The following LMX1A variants were observed in gnomAD, a reference collection of about 807,000 sequenced individuals.
LMX1A encodes the protein LIM homeobox transcription factor 1 alpha.
A neutral mutation model predicts 49.1 loss-of-function variants in LMX1A; 15 were observed. The observed-to-expected ratio is 0.31, with a 90% confidence interval of 0.20 to 0.47. The LOEUF (loss-of-function observed/expected upper bound fraction) is 0.47. Ranked by LOEUF, LMX1A falls within the 20% of genes least tolerant of loss-of-function variation. The pLI is 1.00. For synonymous variants in LMX1A, 167 were observed against 185.7 expected, an observed-to-expected ratio of 0.90 and a Z score of 0.82; for missense variants, 372 against 475.8, an observed-to-expected ratio of 0.78 and a Z score of 2.03.
chr1:165,289,390 T>C (rs1339981808), intron 3 of LMX1A, among the ~76,000 whole-genome samples: 1 of 152,180 alleles, frequency 6.6e-6, no homozygotes, highest in Non-Finnish European at 1.5e-5. Context: ...TTGTCACCCA[T>C]GTCTAGCCCA....
intron 3 of LMX1A, among the ~76,000 whole-genome samples, chr1:165,337,986 C>T (rs1350547996): frequency 6.6e-6 from 1 of 151,762 alleles, no homozygotes; most frequent in African/African-American, 2.4e-5. Flanking sequence ...GATTGATTCA[C>T]CCCTTATGCA....
chr1:165,320,445 T>A (rs1443477255), intron 3 of LMX1A, among the ~76,000 whole-genome samples: 1 of 152,130 alleles, frequency 6.6e-6, no homozygotes, highest in Non-Finnish European at 1.5e-5. Flanking sequence ...AGTCAGGATG[T>A]GAGTCTTGAA....
intron 4 of LMX1A, chr1:165,219,227 A>T (rs2102609901): frequency 6.6e-6 from 1 of 152,160 alleles, no homozygotes; most frequent in South Asian, 2.1e-4. Context: ...GGCCTCGGAG[A>T]TTCATTTCAG....
chr1:165,319,543 CTAAG>C (rs1055844702), intron 3 of LMX1A, among the ~76,000 whole-genome samples: 4 of 151,972 alleles, frequency 2.6e-5, no homozygotes, highest in Non-Finnish European at 4.4e-5. Context: ...GGAAGGCCAC[CTAAG>C]TGTCAGCAAC....
intron 3 of LMX1A, among the ~76,000 whole-genome samples, chr1:165,266,759 G>A (rs952806333): frequency 2.6e-5 from 4 of 151,588 alleles, no homozygotes; most frequent in African/African-American, 7.3e-5. Context: ...CCGCCACCAC[G>A]CCCAGCTAAT....
chr1:165,312,900 G>A (rs1655115156), intron 3 of LMX1A, among the ~76,000 whole-genome samples: 1 of 152,140 alleles, frequency 6.6e-6, no homozygotes, highest in Non-Finnish European at 1.5e-5. Context: ...ATGAATGATA[G>A]GAATTTATAT....
At chr1:165,344,143 T>A (rs1656165827) in intron 3 of LMX1A, among the ~76,000 whole-genome samples, 2 of 152,224 alleles carry the variant, frequency 1.3e-5, no homozygotes, top group African/African-American at 4.8e-5. Context: ...AAATTCAAGG[T>A]GCACAGAGCT....
chr1:165,235,528 C>G (rs1032449517), intron 4 of LMX1A, among the ~76,000 whole-genome samples: 2 of 152,188 alleles, frequency 1.3e-5, no homozygotes, highest in African/African-American at 4.8e-5. Context: ...TTGGATTTAC[C>G]GTGGCATTAC....
Position 165,210,692 on chromosome 1 carries a change from A to G in LMX1A, c.747+7T>C. ...ATGGGGACAGATAAAAGTAAGAAGC[A>G]GGTTACCTTCGCTCTCTGGTTTTGG... On this transcript the variant is annotated splice_region_variant and intron_variant, in intron 6 of 8. Transcript: ENST00000342310. The G allele has an allele frequency of 6.2e-7, 1 of 1,606,394 alleles. No homozygotes were observed. The highest frequency in any genetic ancestry group is 8.5e-7 in the Non-Finnish European group (1 of 1,173,156).
chr1:165,270,153 C>T lies in LMX1A; in HGVS notation c.264-20513G>A, dbSNP rs574592448. 2.6e-5 allele frequency among the ~76,000 whole-genome samples: 4 copies of T among 152,230 alleles called. No homozygotes were observed. The East Asian group carries it at 7.7e-4, about 29-fold the overall frequency. On this transcript the variant is annotated intron_variant, in intron 3 of 8. Coordinates refer to ENST00000342310, the MANE Select transcript of LMX1A (RefSeq NM_177398.4). ...CTCCTGGAGAAAAAGTACTGAGATGCCTTAAAGTAAGGCAAAAGTGGGAAA... is the reference window on the plus strand; with the variant it reads ...CTCCTGGAGAAAAAGTACTGAGATGTCTTAAAGTAAGGCAAAAGTGGGAAA...
intron 4 of LMX1A, among the ~76,000 whole-genome samples, chr1:165,234,270 T>A (rs964699192): frequency 2.0e-5 from 3 of 152,102 alleles, no homozygotes; most frequent in African/African-American, 4.8e-5. Flanking sequence ...AACAACATAC[T>A]CATTTTCATT....
intron 3 of LMX1A, among the ~76,000 whole-genome samples, chr1:165,305,382 C>A (rs556619180): frequency 2.2e-4 from 33 of 152,258 alleles, no homozygotes; most frequent in African/African-American, 7.5e-4. Context: ...TGACATATAA[C>A]ACCATCTGGG....
At chr1:165,333,874 G>A (rs1205878697) in intron 3 of LMX1A, among the ~76,000 whole-genome samples, 2 of 152,056 alleles carry the variant, frequency 1.3e-5, no homozygotes, top group Non-Finnish European at 2.9e-5. Context: ...TCCCTTGTAG[G>A]GATTGCCTAT....
At chr1:165,320,753 A>C (rs1351553744) in intron 3 of LMX1A, among the ~76,000 whole-genome samples, 1 of 152,220 alleles carries the variant, frequency 6.6e-6, no homozygotes, top group Non-Finnish European at 1.5e-5. Context: ...CTGGGATGCT[A>C]GGAGTATTGC....
At chr1:165,206,430 TTGCTA>T (rs1384678853) in intron 7 of LMX1A, among the ~76,000 whole-genome samples, 1 of 152,198 alleles carries the variant, frequency 6.6e-6, no homozygotes, top group Non-Finnish European at 1.5e-5. Flanking sequence ...GAATTATATC[TTGCTA>T]TGCTTGTAGA....
chr1:165,321,405 T>C (rs1044646939), intron 3 of LMX1A, among the ~76,000 whole-genome samples: 2 of 152,206 alleles, frequency 1.3e-5, no homozygotes, highest in Non-Finnish European at 2.9e-5. Flanking sequence ...TTTTATGGTA[T>C]GTCAATTATA....
chr1:165,204,067 G>A, intron 8 of LMX1A, 27 bp from the exon 9 acceptor site: 1 of 1,612,092 alleles, frequency 6.2e-7, no homozygotes, highest in Non-Finnish European at 8.5e-7. Context: ...ACACTGGCAT[G>A]AGGGTCTTGA....
rs1358280591 is a variant in LMX1A at position 165,210,703 on chromosome 1, G to A, written c.743C>T (p.Ala248Val). ...TAAAAGTAAGAAGCAGGTTACCTTC[G>A]CTCTCTGGTTTTGGAACCACACCTG... Reference protein sequence around the residue: ...VVQVWFQNQRAKMKKLARRQQ... With the variant: ...VVQVWFQNQRVKMKKLARRQQ... The change falls in exon 6 of 9, where the codon GCG becomes GTG. Residue 248 changes from alanine (A) to valine (V), a missense_variant. Coordinates refer to ENST00000342310, the MANE Select transcript of LMX1A (RefSeq NM_177398.4). 3.1e-6 allele frequency: 5 copies of A among 1,611,840 alleles called. No homozygotes were observed. The highest frequency in any genetic ancestry group is 3.4e-6 in the Non-Finnish European group (4 of 1,178,162).
At chr1:165,264,344 T>C (rs1428943955) in intron 3 of LMX1A, among the ~76,000 whole-genome samples, 24 of 152,170 alleles carry the variant, frequency 1.6e-4, no homozygotes, top group Non-Finnish European at 1.5e-5. Context: ...CAAAAATCCC[T>C]GTGAAACAGG....
Sources: allele counts gnomAD v4.1 joint callset (sites outside exome capture counted in the v4.1 genomes callset), GRCh38; gene constraint gnomAD v4.1.1; transcripts MANE v1.5; gene names NCBI Gene and HGNC (gene_info 2026-07-23, HGNC 2026-07-21).